Variants in RNGTT observed in about 807,000 individuals in gnomAD.
The protein encoded by RNGTT is mRNA-capping enzyme.
In RNGTT, 33 loss-of-function variants were observed where a neutral mutation model predicts 79.3. The observed-to-expected ratio is 0.42, with a 90% CI of 0.32 to 0.56. The LOEUF (loss-of-function observed/expected upper bound fraction) is 0.56. Among genes scored for constraint, RNGTT ranks in the 20% least tolerant of loss-of-function variants. The probability of loss-of-function intolerance (pLI) is 0.17; values close to 1 mark genes in which losing one functional copy is unlikely to be tolerated. For missense variants in RNGTT, 497 were observed against 739.1 expected (o/e 0.67, Z 3.80); for synonymous variants, 222 against 235.9 (o/e 0.94, Z 0.54).
intron 1 of RNGTT, among the ~76,000 whole-genome samples, chr6:88,954,592 A>T (rs1785365047): frequency 1.3e-5 from 2 of 152,090 alleles, no homozygotes; most frequent in Admixed American, 6.6e-5. Context: ...AGAGAAAGTC[A>T]ACAAAAAAAG....
chr6:88,780,724 T>C (rs1177932999), intron 12 of RNGTT, among the ~76,000 whole-genome samples: 2 of 152,082 alleles, frequency 1.3e-5, no homozygotes, highest in Admixed American at 6.6e-5. Context: ...ACATAATAAA[T>C]GTAAACGTCA....
intron 8 of RNGTT, among the ~76,000 whole-genome samples, chr6:88,889,882 G>C (rs796277228): frequency 2.3e-4 from 35 of 152,220 alleles, no homozygotes; most frequent in African/African-American, 8.2e-4. Flanking sequence ...AGGAGACTGA[G>C]GTGGGAGGAT....
intron 4 of RNGTT, among the ~76,000 whole-genome samples, chr6:88,908,629 C>A (rs1783734002): frequency 6.6e-6 from 1 of 152,148 alleles, no homozygotes; most frequent in African/African-American, 2.4e-5. Flanking sequence ...CCATGGTCCT[C>A]TGGGATCCTA....
At chr6:88,820,519 T>G (rs1366636770) in intron 11 of RNGTT, among the ~76,000 whole-genome samples, 2 of 152,188 alleles carry the variant, frequency 1.3e-5, no homozygotes, top group Non-Finnish European at 2.9e-5. Flanking sequence ...TGATTGCCTA[T>G]GCAGAAAGTA....
intron 12 of RNGTT, among the ~76,000 whole-genome samples, chr6:88,785,309 C>T (rs949844806): frequency 6.6e-6 from 1 of 151,918 alleles, no homozygotes; most frequent in Non-Finnish European, 1.5e-5. Flanking sequence ...TTTAGTTGTA[C>T]AGATATATCT....
At chr6:88,926,756 G>T (rs1784332039) in intron 4 of RNGTT, among the ~76,000 whole-genome samples, 5 of 152,060 alleles carry the variant, frequency 3.3e-5, no homozygotes, top group Admixed American at 3.3e-4. Context: ...TCAGTTTAAG[G>T]GCATAACAAT....
chr6:88,614,151 C>A lies in RNGTT; in HGVS notation c.1630+121G>T, dbSNP rs557680859. 5.9e-4 allele frequency: 538 copies of A among 914,630 alleles called. 6 individuals carry two copies. In the African/African-American group the frequency reaches 8.2e-3, roughly 14 times the overall value. 56.7% of individuals were successfully genotyped at this position (914,630 alleles called of 1,614,324 possible). On this transcript the variant is annotated intron_variant, in intron 15 of 15. Coordinates refer to ENST00000369485, the MANE Select transcript of RNGTT (RefSeq NM_003800.5). Reference sequence around the variant, plus strand: ...GACTTGACGTATCTTTCCCATCAAACAAGGATGAAGTCCAAATGACTATGC... The same window carrying A: ...GACTTGACGTATCTTTCCCATCAAAAAAGGATGAAGTCCAAATGACTATGC...
chr6:88,749,947 G>C (rs1031822857), intron 13 of RNGTT, among the ~76,000 whole-genome samples: 3 of 152,000 alleles, frequency 2.0e-5, no homozygotes, highest in African/African-American at 4.8e-5. Context: ...GTTTCTTGAC[G>C]TGCAGCTATA....
At position 88,663,282 on chromosome 6, in the gene RNGTT, T is replaced by C. The variant is rs887637680; in HGVS notation, c.1506+15071A>G. 5.9e-5 allele frequency among the ~76,000 whole-genome samples: 9 copies of C among 152,148 alleles called. No homozygotes were observed. The East Asian group carries it at 7.7e-4, about 13-fold the overall frequency. ...GGGACTATGGAATTGCTATGACACCTGGAAAGCTTAAGGCTTTATGTGAGA... is the reference window on the plus strand; with the variant it reads ...GGGACTATGGAATTGCTATGACACCCGGAAAGCTTAAGGCTTTATGTGAGA... On this transcript the variant is annotated intron_variant, in intron 14 of 15. Transcript: ENST00000369485.
Position 88,801,594 on chromosome 6 carries a change from T to C in RNGTT, c.1308A>G (p.Glu436=), listed in dbSNP as rs1488329811. Residue 436 remains glutamate, a synonymous_variant, in exon 12 of 16, where the codon GAA becomes GAG. Transcript: ENST00000369485. ...TAGGCTGAAAAATAAGTCCATCCAT[T>C]TCATGGCTCACTTCTTTGGCAAAAT... ...EGNFAKEVSH[E]MDGLIFQPTG... 1 of 1,610,862 alleles carries C rather than the reference T, an allele frequency of 6.2e-7. No individual in the cohort carries two copies. The highest frequency in any genetic ancestry group is 8.5e-7 in the Non-Finnish European group (1 of 1,178,648).
chr6:88,667,052 G>A (rs1433078429), intron 14 of RNGTT, among the ~76,000 whole-genome samples: 1 of 152,212 alleles, frequency 6.6e-6, no homozygotes, highest in African/African-American at 2.4e-5. Flanking sequence ...GCATTGTAAA[G>A]GACATCAGTG....
At chr6:88,729,182 ACTT>A (rs985892664) in intron 13 of RNGTT, among the ~76,000 whole-genome samples, 4 of 152,146 alleles carry the variant, frequency 2.6e-5, no homozygotes, top group African/African-American at 9.7e-5. Context: ...CAGGCAGGAA[ACTT>A]AGAGTTCCTT....
chr6:88,732,420 T>C (rs1233890168), intron 13 of RNGTT, among the ~76,000 whole-genome samples: 1 of 152,144 alleles, frequency 6.6e-6, no homozygotes, highest in African/African-American at 2.4e-5. Context: ...GAATGTACAA[T>C]GGTACAGCCA....
intron 11 of RNGTT, among the ~76,000 whole-genome samples, chr6:88,826,491 T>C (rs1780658681): frequency 6.6e-6 from 1 of 152,032 alleles, no homozygotes; most frequent in Non-Finnish European, 1.5e-5. Flanking sequence ...GCTCGAAGTA[T>C]AAAAATCATC....
At chr6:88,698,791 CAT>C (rs1181150150) in intron 13 of RNGTT, among the ~76,000 whole-genome samples, 1 of 152,068 alleles carries the variant, frequency 6.6e-6, no homozygotes, top group Non-Finnish European at 1.5e-5. Flanking sequence ...TAAAAGTTAA[CAT>C]AAAGTATGAG....
intron 14 of RNGTT, among the ~76,000 whole-genome samples, chr6:88,657,898 A>G (rs1774038453): frequency 6.6e-6 from 1 of 152,180 alleles, no homozygotes; most frequent in Non-Finnish European, 1.5e-5. Flanking sequence ...CAGTGTCTGC[A>G]TTAAGCCCTG....
At chr6:88,751,683 A>G (rs977992491) in intron 13 of RNGTT, among the ~76,000 whole-genome samples, 5 of 152,128 alleles carry the variant, frequency 3.3e-5, no homozygotes, top group Admixed American at 1.3e-4. Context: ...AATTTAATAT[A>G]AATACAACTG....
intron 14 of RNGTT, 39 bp from the exon 15 acceptor site, chr6:88,614,434 T>C (rs1286462428): frequency 6.2e-7 from 1 of 1,602,804 alleles, no homozygotes; most frequent in Non-Finnish European, 8.5e-7. Flanking sequence ...TTTAAATAAC[T>C]TGAAAGGCTT....
chr6:88,719,623 A>G (rs922076302), intron 13 of RNGTT, among the ~76,000 whole-genome samples: 2 of 152,186 alleles, frequency 1.3e-5, no homozygotes, highest in African/African-American at 4.8e-5. Flanking sequence ...TTGCATTTTT[A>G]CCTTGTACAT....
Sources: gnomAD v4.1 joint callset for allele counts (sites outside exome capture counted in the v4.1 genomes callset) on GRCh38, gnomAD v4.1.1 for gene constraint, MANE v1.5 for transcripts, NCBI Gene and HGNC (gene_info 2026-07-23, HGNC 2026-07-21) for gene names.